Variants in EXOC4 observed in about 807,000 individuals in gnomAD.
The protein encoded by EXOC4 is exocyst complex component 4.
Under a neutral mutation model 107.2 loss-of-function variants are expected in EXOC4, and 71 were observed. The ratio of observed to expected loss-of-function variants is 0.66; its 90% CI spans 0.55 to 0.81. The LOEUF is 0.81. Ranked by LOEUF, EXOC4 falls within the 30% of genes least tolerant of loss-of-function variation. EXOC4 has a pLI of 0.00. For missense variants in EXOC4, 1,108 were observed against 1,189.6 expected (o/e 0.93, Z 1.01); for synonymous variants, 456 against 441.2 (o/e 1.03, Z -0.42).
chr7:133,434,334 C>T (rs1797919902), intron 7 of EXOC4, among the ~76,000 whole-genome samples: 1 of 152,096 alleles, frequency 6.6e-6, no homozygotes, highest in African/African-American at 2.4e-5. Context: ...TATTAGAACC[C>T]ATTCTTCAAA....
rs531180411 is a variant in EXOC4, at chr7:133,628,765, C to T, written c.1418-1280C>T. ...TTGCACCATGACCCTTCATTGTTTC[C>T]GTTAATGAAGCAATTAAGGACCATT... On this transcript the variant is annotated intron_variant, in intron 9 of 17. Coordinates refer to ENST00000253861, the MANE Select transcript of EXOC4 (RefSeq NM_021807.4). Among the ~76,000 whole-genome samples, 20 of 152,232 alleles carry T rather than the reference C, an allele frequency of 1.3e-4. No homozygotes were observed. In the South Asian group the frequency reaches 4.1e-3, roughly 32 times the overall value.
chr7:134,028,055 C>T (rs530940086), intron 17 of EXOC4, among the ~76,000 whole-genome samples: 4 of 152,278 alleles, frequency 2.6e-5, no homozygotes, highest in South Asian at 4.1e-4. Flanking sequence ...CCTAGGGCAA[C>T]GATAGGCAAC....
intron 9 of EXOC4, chr7:133,484,000 G>C (rs768477033): frequency 3.1e-6 from 5 of 1,612,412 alleles, no homozygotes; most frequent in African/African-American, 2.7e-5. Flanking sequence ...TTGCTTCCCA[G>C]TAATTTCGGT....
In EXOC4 at chr7:133,275,013, A is replaced by AG. The variant is rs1333576963; in HGVS notation, c.121dup (p.Glu41GlyfsTer3). 1 of 1,612,664 alleles carries AG rather than the reference A, an allele frequency of 6.2e-7. No individual in the cohort carries two copies. Among genetic ancestry groups the AG allele is most frequent in the African/African-American group, 1.3e-5 (1 of 74,884 alleles). ...GTCTACTAGTGACGATGTCGAAGAC[A>AG]GGGAAAATGAAAAGGGTCGCCTTGA... On this transcript the variant is annotated frameshift_variant, in exon 2 of 18. Coordinates refer to ENST00000253861, the MANE Select transcript of EXOC4 (RefSeq NM_021807.4). LOFTEE classifies it high-confidence loss of function.
intron 17 of EXOC4, among the ~76,000 whole-genome samples, chr7:134,027,278 C>T (rs1202127668): frequency 3.9e-5 from 6 of 152,118 alleles, no homozygotes; most frequent in South Asian, 2.1e-4. Context: ...GAAACAGAAG[C>T]GAAATATTCC....
chr7:133,792,912 G>A (rs1396510608), intron 10 of EXOC4, among the ~76,000 whole-genome samples: 1 of 152,154 alleles, frequency 6.6e-6, no homozygotes, highest in Non-Finnish European at 1.5e-5. Context: ...AGGCTCATTA[G>A]TATAGAGAGA....
intron 1 of EXOC4, among the ~76,000 whole-genome samples, chr7:133,269,052 T>G (rs1458629597): frequency 2.0e-5 from 3 of 152,142 alleles, no homozygotes; most frequent in African/African-American, 4.8e-5. Flanking sequence ...AAATCTAGAG[T>G]GATTCAATAA....
chr7:133,417,594 C>T (rs1584900724), intron 7 of EXOC4, among the ~76,000 whole-genome samples: 1 of 152,076 alleles, frequency 6.6e-6, no homozygotes, highest in Non-Finnish European at 1.5e-5. Flanking sequence ...AGAATGGAGC[C>T]AAGGATCTAA....
At chr7:133,587,718 T>C (rs1027279687) in intron 9 of EXOC4, among the ~76,000 whole-genome samples, 1 of 152,194 alleles carries the variant, frequency 6.6e-6, no homozygotes, top group African/African-American at 2.4e-5. Flanking sequence ...AGGCAGGAAA[T>C]TGGAATTAGA....
intron 7 of EXOC4, among the ~76,000 whole-genome samples, chr7:133,378,803 A>G (rs1381670576): frequency 6.6e-6 from 1 of 152,076 alleles, no homozygotes; most frequent in Non-Finnish European, 1.5e-5. Context: ...ACAAGGAAGA[A>G]AGAAACAATA....
At chr7:133,638,938 A>G (rs889934020) in intron 10 of EXOC4, among the ~76,000 whole-genome samples, 2 of 152,212 alleles carry the variant, frequency 1.3e-5, no homozygotes, top group Non-Finnish European at 2.9e-5. Flanking sequence ...AGAAAAGACT[A>G]TTCAGAACAA....
At chr7:133,775,910 G>T (rs1796335417) in intron 10 of EXOC4, among the ~76,000 whole-genome samples, 1 of 152,134 alleles carries the variant, frequency 6.6e-6, no homozygotes, top group South Asian at 2.1e-4. Flanking sequence ...TATAAGATTA[G>T]GCTCGATGCT....
intron 10 of EXOC4, among the ~76,000 whole-genome samples, chr7:133,705,486 A>G (rs1794749415): frequency 6.6e-6 from 1 of 152,230 alleles, no homozygotes; most frequent in African/African-American, 2.4e-5. Context: ...AAATAAAAAT[A>G]TAGTAGTTCC....
intron 7 of EXOC4, among the ~76,000 whole-genome samples, chr7:133,383,591 T>G (rs1226206434): frequency 1.3e-5 from 2 of 152,192 alleles, no homozygotes; most frequent in Non-Finnish European, 2.9e-5. Context: ...ATCCACAAAA[T>G]TATTAGTACT....
At chr7:133,735,779 C>T (rs150675281) in intron 10 of EXOC4, among the ~76,000 whole-genome samples, 2,006 of 152,204 alleles carry the variant, frequency 0.013, 41 homozygotes, top group African/African-American at 0.046. Flanking sequence ...ATCCAGCCCT[C>T]TATTACCATA....
the EXOC4 span, among the ~76,000 whole-genome samples, chr7:134,100,639 G>C: frequency 5.3e-5 from 7 of 131,130 alleles, no homozygotes; most frequent in African/African-American, 1.8e-4. Flanking sequence ...GGCTTTGAAT[G>C]CTGGAAAAGA....
In EXOC4 at chr7:133,771,717, C is replaced by T. The variant is rs1304768975; in HGVS notation, c.1515-45608C>T. Among the ~76,000 whole-genome samples the T allele has an allele frequency of 5.3e-5, 8 of 151,854 alleles. No homozygotes were observed. In the East Asian group the frequency reaches 1.5e-3, roughly 29 times the overall value. The stretch of plus-strand genomic sequence containing the variant: ...CATTTCCATATCATATTGCTACAGT[C>T]GCTCTTTATTGAGATTGCCTCGGCA... On this transcript the variant is annotated intron_variant, in intron 10 of 17. Coordinates refer to ENST00000253861, the MANE Select transcript of EXOC4 (RefSeq NM_021807.4).
chr7:133,937,968 GT>G lies in EXOC4; in HGVS notation c.2106del (p.Asp703ThrfsTer80), dbSNP rs757564260. 1.2e-6 allele frequency: 2 copies of G among 1,613,956 alleles called. No homozygotes were observed. The highest frequency in any genetic ancestry group is 2.7e-5 in the African/African-American group (2 of 74,888). ...TTAATCCCTCCACAAGACATCCTTC[GT>G]GACGTCAGTGACCTCAAAGCCTTGG... Reference protein sequence around the residue: ...DKLIPPQDILRDVSDLKALAN... With the variant: ...DKLIPPQDILXDVSDLKALAN... On this transcript the variant is annotated frameshift_variant, in exon 14 of 18. Coordinates refer to ENST00000253861, the MANE Select transcript of EXOC4 (RefSeq NM_021807.4). LOFTEE classifies it high-confidence loss of function.
chr7:133,779,582 T>C (rs558616735), intron 10 of EXOC4, among the ~76,000 whole-genome samples: 81 of 152,362 alleles, frequency 5.3e-4, no homozygotes, highest in South Asian at 1.7e-3. Flanking sequence ...AGAAATTTTC[T>C]GTAGCTAGCT....
Sources: gnomAD v4.1 joint callset for allele counts (sites outside exome capture counted in the v4.1 genomes callset) on GRCh38, gnomAD v4.1.1 for gene constraint, MANE v1.5 for transcripts, NCBI Gene and HGNC (gene_info 2026-07-23, HGNC 2026-07-21) for gene names.